The following CSMD1 variants were observed in gnomAD, a reference collection of about 807,000 sequenced individuals.
The protein encoded by CSMD1 is CUB and sushi domain-containing protein 1.
In CSMD1, 213 loss-of-function variants were observed where a neutral mutation model predicts 417.5. The observed-to-expected ratio is 0.51, with a 90% confidence interval of 0.46 to 0.57. The LOEUF (loss-of-function observed/expected upper bound fraction) is 0.57. Among genes scored for constraint, CSMD1 ranks in the 20% least tolerant of loss-of-function variants. The pLI is 0.00. For missense variants in CSMD1, 6,923 were observed against 4,529.7 expected (o/e 1.53, Z -15.17); for synonymous variants, 2,862 against 1,736.8 (o/e 1.65, Z -16.11).
intron 1 of CSMD1, among the ~76,000 whole-genome samples, chr8:4,648,746 G>T (rs990215170): frequency 1.3e-5 from 2 of 152,108 alleles, no homozygotes; most frequent in Non-Finnish European, 2.9e-5. Context: ...AGAATTTGTG[G>T]GGATGAGGGC....
At chr8:4,188,276 G>C (rs945772896) in intron 3 of CSMD1, among the ~76,000 whole-genome samples, 22 of 152,298 alleles carry the variant, frequency 1.4e-4, no homozygotes, top group African/African-American at 5.1e-4. Context: ...GCTTGCCCTA[G>C]ACGTCGGTCA....
intron 3 of CSMD1, among the ~76,000 whole-genome samples, chr8:4,106,678 C>A (rs917103301): frequency 2.0e-5 from 3 of 152,112 alleles, no homozygotes; most frequent in Non-Finnish European, 4.4e-5. Context: ...AAAACATTTT[C>A]TTTATTTCAT....
chr8:4,934,115 G>C (rs572703038), intron 1 of CSMD1, among the ~76,000 whole-genome samples: 28 of 152,264 alleles, frequency 1.8e-4, no homozygotes, highest in African/African-American at 5.3e-4. Context: ...GCACCAGGGA[G>C]AGACCTTTGA....
intron 5 of CSMD1, among the ~76,000 whole-genome samples, chr8:3,809,159 C>T (rs2720885): frequency 0.035 from 5,367 of 152,216 alleles, 305 homozygotes; most frequent in East Asian, 0.29. Context: ...TTCCAGCCCC[C>T]ACAGACCTCA....
intron 12 of CSMD1, among the ~76,000 whole-genome samples, chr8:3,419,458 A>G (rs976703046): frequency 6.6e-6 from 1 of 152,204 alleles, no homozygotes; most frequent in Non-Finnish European, 1.5e-5. Flanking sequence ...AAATACACAC[A>G]TATTTGTATT....
intron 1 of CSMD1, among the ~76,000 whole-genome samples, chr8:4,890,592 G>C (rs554306171): frequency 1.2e-4 from 18 of 149,736 alleles, no homozygotes; most frequent in African/African-American, 4.4e-4. Context: ...ACAGGTGAGA[G>C]CGTGACTCTG....
intron 3 of CSMD1, among the ~76,000 whole-genome samples, chr8:4,370,859 C>A (rs1299935472): frequency 6.6e-6 from 1 of 152,192 alleles, no homozygotes; most frequent in African/African-American, 2.4e-5. Flanking sequence ...GATTCTGTTT[C>A]AACCTCCTCT....
intron 4 of CSMD1, among the ~76,000 whole-genome samples, chr8:4,013,205 C>T (rs1019329280): frequency 6.6e-6 from 1 of 152,094 alleles, no homozygotes; most frequent in Non-Finnish European, 1.5e-5. Flanking sequence ...CTCCTATCCT[C>T]TGGGATCCTC....
chr8:3,496,034 G>A (rs916805378), intron 10 of CSMD1, among the ~76,000 whole-genome samples: 1 of 152,104 alleles, frequency 6.6e-6, no homozygotes, highest in South Asian at 2.1e-4. Context: ...GCATGCATTA[G>A]CTCTTTTCCC....
intron 2 of CSMD1, among the ~76,000 whole-genome samples, chr8:4,498,680 G>GTACC (rs1246801236): frequency 1.3e-5 from 2 of 152,098 alleles, no homozygotes; most frequent in Non-Finnish European, 2.9e-5. Context: ...TGTTTATCGA[G>GTACC]TACCTACTTT....
At chr8:3,352,175 T>A (rs113956547) in intron 21 of CSMD1, among the ~76,000 whole-genome samples, 7 of 152,174 alleles carry the variant, frequency 4.6e-5, no homozygotes, top group African/African-American at 1.7e-4. Flanking sequence ...TGCCAGGACC[T>A]GGGCACACTC....
In CSMD1 at chr8:4,497,536, G is replaced by C. The variant is rs193185258; in HGVS notation, c.303-77471C>G. ...AATCCAGCTTGTTCTGTATATAGTA[G>C]CTCCACTGAGGAGCAGGGAGGAAAG... On this transcript the variant is annotated intron_variant, in intron 2 of 69. Transcript: ENST00000635120. Among the ~76,000 whole-genome samples, 23 of 152,264 alleles carry C rather than the reference G, an allele frequency of 1.5e-4. No individual in the cohort carries two copies. The East Asian group carries it at 3.9e-3, about 26-fold the overall frequency.
chr8:3,480,305 T>C (rs1423546170), intron 11 of CSMD1, among the ~76,000 whole-genome samples: 2 of 152,174 alleles, frequency 1.3e-5, no homozygotes, highest in Non-Finnish European at 2.9e-5. Context: ...GAGGATGCAT[T>C]GAGCACAGAT....
intron 2 of CSMD1, among the ~76,000 whole-genome samples, chr8:4,466,158 T>C (rs1000705500): frequency 1.3e-5 from 2 of 152,162 alleles, no homozygotes; most frequent in African/African-American, 2.4e-5. Flanking sequence ...TGAGAGAGTC[T>C]TACTCCGTGG....
At chr8:4,115,965 TTTATTTATTTA>T (rs1290997406) in intron 3 of CSMD1, among the ~76,000 whole-genome samples, 1 of 502 alleles carries the variant, frequency 2.0e-3, no homozygotes, top group Non-Finnish European at 5.7e-3. Flanking sequence ...TTTTCATTAT[TTTATTTATTTA>T]TTTATTTATT....
At chr8:4,178,965 G>A (rs945107227) in intron 3 of CSMD1, among the ~76,000 whole-genome samples, 2 of 152,004 alleles carry the variant, frequency 1.3e-5, no homozygotes, top group African/African-American at 2.4e-5. Context: ...ATGCTCATGG[G>A]TAGGAAGAAT....
At chr8:3,700,163 G>T (rs900881918) in intron 7 of CSMD1, among the ~76,000 whole-genome samples, 74 of 152,152 alleles carry the variant, frequency 4.9e-4, no homozygotes, top group African/African-American at 1.7e-3. Context: ...AGCGTATACT[G>T]CTCAGGTAAT....
chr8:3,304,613 T>C (rs1429233848), intron 25 of CSMD1, among the ~76,000 whole-genome samples: 2 of 150,630 alleles, frequency 1.3e-5, no homozygotes, highest in Non-Finnish European at 2.9e-5. Context: ...TAGATGTATT[T>C]ATAAATTTGA....
In CSMD1 at chr8:4,151,286, T is replaced by A. The variant is rs144205059; in HGVS notation, c.416-119187A>T. Reference sequence around the variant, plus strand: ...CAGACTACTTTAGACCATGCATGTGTAAATCATTTGCCTTGTTATAGATCC... The same window carrying A: ...CAGACTACTTTAGACCATGCATGTGAAAATCATTTGCCTTGTTATAGATCC... On this transcript the variant is annotated intron_variant, in intron 3 of 69. Coordinates refer to ENST00000635120, the MANE Select transcript of CSMD1 (RefSeq NM_033225.6). Among the ~76,000 whole-genome samples the A allele has an allele frequency of 1.4e-3, 215 of 152,338 alleles. 3 individuals carry two copies. Among genetic ancestry groups the A allele is most frequent in the East Asian group, 0.011 (55 of 5,182 alleles).
Sources: gnomAD v4.1 joint callset for allele counts (sites outside exome capture counted in the v4.1 genomes callset) on GRCh38, gnomAD v4.1.1 for gene constraint, MANE v1.5 for transcripts, NCBI Gene and HGNC (gene_info 2026-07-23, HGNC 2026-07-21) for gene names.